Variants in ANK2 observed in about 807,000 individuals in gnomAD.
ANK2 encodes the protein ankyrin 2, also known as ankyrin-2.
A neutral mutation model predicts 360.5 loss-of-function variants in ANK2; 83 were observed. The ratio of observed to expected loss-of-function variants is 0.23; its 90% CI spans 0.19 to 0.28. ANK2 has a LOEUF of 0.28. Ranked by LOEUF, ANK2 falls within the 10% of genes least tolerant of loss-of-function variation. The pLI is 1.00. For synonymous variants in ANK2, 1,740 were observed against 1,759.5 expected (o/e 0.99, Z 0.28); for missense variants, 4,201 against 4,795.7 (o/e 0.88, Z 3.66).
intron 2 of ANK2, among the ~76,000 whole-genome samples, chr4:112,929,633 A>G (rs990508638): frequency 6.6e-6 from 1 of 152,170 alleles, no homozygotes; most frequent in African/African-American, 2.4e-5. Flanking sequence ...GAAATCTTCT[A>G]TTTCTTGACC....
chr4:113,085,862 T>A (rs573155100), intron 1 of ANK2, among the ~76,000 whole-genome samples: 28 of 152,126 alleles, frequency 1.8e-4, no homozygotes, highest in Non-Finnish European at 3.2e-4. Flanking sequence ...AGAGAACCTT[T>A]ACATAATTTT....
chr4:113,046,763 C>G (rs2154318572), upstream of ANK2, among the ~76,000 whole-genome samples: 1 of 152,196 alleles, frequency 6.6e-6, no homozygotes, highest in South Asian at 2.1e-4. Flanking sequence ...AAGCAGCCAG[C>G]AGGGTATAGC....
At chr4:113,242,263 A>G in intron 9 of ANK2, 54 bp downstream of exon 9, 1 of 1,508,024 alleles carries the variant, frequency 6.6e-7, no homozygotes, top group Non-Finnish European at 9.2e-7. Flanking sequence ...TTCAAGCCTC[A>G]TAGAAGGCAC....
intron 2 of ANK2, chr4:112,980,418 T>G (rs2042796886): frequency 6.6e-6 from 1 of 152,444 alleles, no homozygotes; most frequent in African/African-American, 2.4e-5. Flanking sequence ...CTCCCCCTGT[T>G]CTGGGCTCCC....
chr4:113,041,577 A>G (rs1282326381), intron 2 of ANK2, among the ~76,000 whole-genome samples: 1 of 152,128 alleles, frequency 6.6e-6, no homozygotes, highest in Non-Finnish European at 1.5e-5. Context: ...TCACCAGTAT[A>G]TAACATCCTA....
intron 1 of ANK2, among the ~76,000 whole-genome samples, chr4:112,891,821 A>G (rs1322096584): frequency 6.6e-6 from 1 of 152,216 alleles, no homozygotes; most frequent in African/African-American, 2.4e-5. Context: ...TTTGAGTGGT[A>G]TCAAAAGACT....
At chr4:113,101,368 C>A (rs1408515755) in intron 1 of ANK2, among the ~76,000 whole-genome samples, 1 of 152,080 alleles carries the variant, frequency 6.6e-6, no homozygotes, top group African/African-American at 2.4e-5. Flanking sequence ...AGTATTTCTT[C>A]TAGCTGTAAG....
At chr4:113,093,030 TG>T (rs2089309361) in intron 1 of ANK2, among the ~76,000 whole-genome samples, 1 of 152,188 alleles carries the variant, frequency 6.6e-6, no homozygotes, top group Non-Finnish European at 1.5e-5. Context: ...CTTTTGACCT[TG>T]AGCCTGACAT....
chr4:113,200,874 C>A (rs1436260213), intron 4 of ANK2, among the ~76,000 whole-genome samples: 1 of 151,502 alleles, frequency 6.6e-6, no homozygotes, highest in Non-Finnish European at 1.5e-5. Flanking sequence ...ACATCACACG[C>A]CGGGGCCTGT....
intron 8 of ANK2, 47 bp downstream of exon 8, chr4:113,240,630 T>C: frequency 1.3e-6 from 2 of 1,514,374 alleles, no homozygotes; most frequent in Non-Finnish European, 1.8e-6. Context: ...TAAATGAATA[T>C]TTTAATAAAG....
chr4:113,102,693 A>G (rs313956), intron 1 of ANK2, among the ~76,000 whole-genome samples: 126,808 of 152,162 alleles, frequency 0.83, 53,267 homozygotes, highest in East Asian at 0.95. Context: ...CTGTTAAAAA[A>G]TCAGATAATC....
chr4:113,013,110 T>C (rs1203180494), intron 2 of ANK2, among the ~76,000 whole-genome samples: 1 of 152,210 alleles, frequency 6.6e-6, no homozygotes, highest in Non-Finnish European at 1.5e-5. Flanking sequence ...CAGTGGTATT[T>C]TAAAGTGATC....
chr4:113,351,772 T>C (rs1038266626), intron 37 of ANK2, among the ~76,000 whole-genome samples: 1 of 152,348 alleles, frequency 6.6e-6, no homozygotes, highest in East Asian at 1.9e-4. Context: ...TGGATTTTCC[T>C]GAAGGATTTC....
chr4:112,962,476 G>A (rs2035325639), intron 2 of ANK2, among the ~76,000 whole-genome samples: 2 of 152,074 alleles, frequency 1.3e-5, no homozygotes, highest in South Asian at 4.1e-4. Flanking sequence ...CCATATCTTT[G>A]CTATTGTGAA....
intron 2 of ANK2, among the ~76,000 whole-genome samples, chr4:112,922,453 C>T (rs1208968460): frequency 2.0e-5 from 3 of 152,112 alleles, no homozygotes; most frequent in Non-Finnish European, 4.4e-5. Context: ...CCCAACTAGG[C>T]TGAATGTTGA....
At chr4:113,074,094 G>T (rs1263668379) in intron 1 of ANK2, among the ~76,000 whole-genome samples, 1 of 152,162 alleles carries the variant, frequency 6.6e-6, no homozygotes, top group Non-Finnish European at 1.5e-5. Flanking sequence ...TTACGTGAAG[G>T]ATTTGCTCTA....
chr4:113,017,939 T>G (rs1022371228), intron 2 of ANK2, among the ~76,000 whole-genome samples: 1 of 152,154 alleles, frequency 6.6e-6, no homozygotes, highest in Admixed American at 6.5e-5. Flanking sequence ...TTGGATGTGG[T>G]GGGTATAAGA....
intron 1 of ANK2, among the ~76,000 whole-genome samples, chr4:113,172,301 G>A (rs539500067): frequency 6.6e-6 from 1 of 152,312 alleles, no homozygotes; most frequent in South Asian, 2.1e-4. Context: ...TAATGCAGGT[G>A]AAATAAACCT....
chr4:113,184,748 G>A (rs1276026544), intron 2 of ANK2, among the ~76,000 whole-genome samples: 2 of 152,062 alleles, frequency 1.3e-5, no homozygotes, highest in South Asian at 4.2e-4. Context: ...TGTGATACAT[G>A]TGCAGAACGT....
Sources: gnomAD v4.1 joint callset for allele counts (sites outside exome capture counted in the v4.1 genomes callset) on GRCh38, gnomAD v4.1.1 for gene constraint, MANE v1.5 for transcripts, NCBI Gene and HGNC (gene_info 2026-07-23, HGNC 2026-07-21) for gene names.